The following NLK variants were observed in gnomAD, a reference collection of about 807,000 sequenced individuals.
NLK encodes the protein serine/threonine-protein kinase NLK.
In NLK, 11 loss-of-function variants were observed where a neutral mutation model predicts 59.0. The ratio of observed to expected loss-of-function variants is 0.19; its 90% CI spans 0.12 to 0.31. The LOEUF (loss-of-function observed/expected upper bound fraction) is 0.31. NLK is among the 10% of genes least tolerant of loss of function. The pLI is 1.00. For synonymous variants in NLK, 235 were observed against 235.9 expected (o/e 1.00, Z 0.03); for missense variants, 410 against 661.1 (o/e 0.62, Z 4.16).
chr17:28,095,053 C>T (rs1413139958), intron 1 of NLK, among the ~76,000 whole-genome samples: 4 of 152,020 alleles, frequency 2.6e-5, no homozygotes, highest in African/African-American at 9.7e-5. Flanking sequence ...AATGTAGTCT[C>T]CTTACCAGAA....
At position 28,194,688 on chromosome 17, in the gene NLK, C is replaced by A; in HGVS notation, c.*52C>A. The A allele has an allele frequency of 1.5e-6, 2 of 1,348,966 alleles. No individual in the cohort carries two copies. The highest frequency in any genetic ancestry group is 1.0e-6 in the Non-Finnish European group (1 of 967,252). The allele number at this position is 1,348,966 out of a possible 1,614,324, so 83.6% of individuals were successfully genotyped here. ...ATGTAATGTAGCTTTCCACTGGAGTCTGGGATTTGCAATTCTGGAGGTTAA... is the reference window on the plus strand; with the variant it reads ...ATGTAATGTAGCTTTCCACTGGAGTATGGGATTTGCAATTCTGGAGGTTAA... On this transcript the variant is annotated 3_prime_UTR_variant, in exon 11 of 11. Coordinates refer to ENST00000407008, the MANE Select transcript of NLK (RefSeq NM_016231.5).
chr17:28,157,638 T>G (rs561146038), intron 3 of NLK, among the ~76,000 whole-genome samples: 18 of 152,226 alleles, frequency 1.2e-4, no homozygotes, highest in African/African-American at 4.3e-4. Context: ...ACTTTATTAG[T>G]TTTTAAAAAT....
At chr17:28,193,955 C>G (rs553894874) in intron 10 of NLK, among the ~76,000 whole-genome samples, 1 of 152,322 alleles carries the variant, frequency 6.6e-6, no homozygotes, top group African/African-American at 2.4e-5. Flanking sequence ...AGGGGTTACA[C>G]TTTTCCCTCT....
chr17:28,166,312 C>T (rs1400421645), intron 5 of NLK, among the ~76,000 whole-genome samples: 1 of 151,936 alleles, frequency 6.6e-6, no homozygotes, highest in African/African-American at 2.4e-5. Flanking sequence ...GAAAATTTTC[C>T]TGCTTTCTTA....
intron 1 of NLK, among the ~76,000 whole-genome samples, chr17:28,110,739 T>C (rs533916879): frequency 1.1e-3 from 164 of 152,316 alleles, no homozygotes; most frequent in African/African-American, 3.8e-3. Context: ...TTTTGTTCTA[T>C]TTTTGTAGTT....
At chr17:28,184,159 C>T (rs1464814338) in intron 7 of NLK, among the ~76,000 whole-genome samples, 1 of 152,166 alleles carries the variant, frequency 6.6e-6, no homozygotes, top group Non-Finnish European at 1.5e-5. Flanking sequence ...ATGCTAAAGG[C>T]CATTCAGATT....
chr17:28,151,369 C>G (rs900083111), intron 3 of NLK, among the ~76,000 whole-genome samples: 1 of 152,048 alleles, frequency 6.6e-6, no homozygotes, highest in African/African-American at 2.4e-5. Flanking sequence ...GAATTATTTT[C>G]CAAAGAAAAT....
At chr17:28,184,660 C>T (rs1380289390) in intron 7 of NLK, among the ~76,000 whole-genome samples, 1 of 152,104 alleles carries the variant, frequency 6.6e-6, no homozygotes, top group Admixed American at 6.6e-5. Flanking sequence ...ATGTAAAAAT[C>T]TACGGGGATG....
intron 1 of NLK, among the ~76,000 whole-genome samples, chr17:28,046,874 T>C (rs913871049): frequency 3.3e-5 from 5 of 152,298 alleles, no homozygotes; most frequent in Non-Finnish European, 7.4e-5. Context: ...AGCATTTTGG[T>C]TTGTGACTTG....
rs1906567369 is a variant in NLK, at chr17:28,132,616, T to C, written c.589-4T>C. 1.2e-6 allele frequency: 2 copies of C among 1,605,420 alleles called. No homozygotes were observed. Among genetic ancestry groups the C allele is most frequent in the Non-Finnish European group, 1.7e-6 (2 of 1,175,212 alleles). On this transcript the variant is annotated splice_polypyrimidine_tract_variant and splice_region_variant and intron_variant, in intron 2 of 10. Coordinates refer to ENST00000407008, the MANE Select transcript of NLK (RefSeq NM_016231.5). ...AAATTTGACTTTTTTTTTCCTTTTC[T>C]CAGGTACTCTCTGCCCTTGACATAC... is the stretch of plus-strand genomic sequence containing the variant.
Position 28,042,897 on chromosome 17 carries a change from C to G in NLK, c.24C>G (p.Ala8=), listed in dbSNP as rs904204787. MSLCGAR[A]NAKMMAAYNG... ...GAATGTCTCTTTGTGGCGCAAGAGC[C>G]AACGCAAAAATGATGGCGGCTTACA... Residue 8 remains alanine (A), a synonymous_variant, in exon 1 of 11, where the codon GCC becomes GCG. Coordinates refer to ENST00000407008, the MANE Select transcript of NLK (RefSeq NM_016231.5). 28 of 1,523,276 alleles carry G rather than the reference C, an allele frequency of 1.8e-5. No individual in the cohort carries two copies. The highest frequency in any genetic ancestry group is 2.3e-5 in the Non-Finnish European group (26 of 1,130,062). The allele number at this position is 1,523,276 out of a possible 1,614,324, so 94.4% of individuals were successfully genotyped here.
At chr17:28,184,865 T>A (rs947526105) in intron 7 of NLK, among the ~76,000 whole-genome samples, 1 of 152,152 alleles carries the variant, frequency 6.6e-6, no homozygotes, top group South Asian at 2.1e-4. Context: ...GAAGAATCAC[T>A]TGAACCTGGA....
intron 1 of NLK, among the ~76,000 whole-genome samples, chr17:28,098,909 C>T (rs143566448): frequency 6.6e-6 from 1 of 151,746 alleles, no homozygotes; most frequent in Non-Finnish European, 1.5e-5. Context: ...CTTGAACTCC[C>T]GACCTCAGGT....
At chr17:28,158,977 A>G (rs1289944558) in intron 3 of NLK, among the ~76,000 whole-genome samples, 1 of 152,208 alleles carries the variant, frequency 6.6e-6, no homozygotes, top group Non-Finnish European at 1.5e-5. Context: ...GTCCATCATC[A>G]ACGAAACATC....
chr17:28,174,929 A>G (rs779672871), intron 7 of NLK, among the ~76,000 whole-genome samples: 25 of 150,874 alleles, frequency 1.7e-4, no homozygotes, highest in Non-Finnish European at 3.2e-4. Flanking sequence ...ATAGCTATTT[A>G]CAGCTGAGGT....
At position 28,194,983 on chromosome 17, in the gene NLK, T is replaced by TCACACACACACA. The variant is rs35187605; in HGVS notation, c.*368_*379dup. 4.9e-4 allele frequency: 78 copies of TCACACACACACA among 158,480 alleles called. No homozygotes were observed. The highest frequency in any genetic ancestry group is 3.3e-3 in the East Asian group (20 of 6,032). 9.8% of individuals were successfully genotyped at this position (158,480 alleles called of 1,614,324 possible). On this transcript the variant is annotated 3_prime_UTR_variant, in exon 11 of 11. Coordinates refer to ENST00000407008, the MANE Select transcript of NLK (RefSeq NM_016231.5). The stretch of plus-strand genomic sequence containing the variant: ...CTTTTCTAAAATGAAGTGAGATTGT[T>TCACACACACACA]CACACACACACACACACACACACAC...
downstream of NLK, among the ~76,000 whole-genome samples, chr17:28,201,353 C>T (rs1909623540): frequency 6.7e-6 from 1 of 149,578 alleles, no homozygotes; most frequent in Non-Finnish European, 1.5e-5. Context: ...AGAGTGCTGG[C>T]ATTACAGGCA....
chr17:28,063,790 T>C (rs1202923149), intron 1 of NLK, among the ~76,000 whole-genome samples: 2 of 152,198 alleles, frequency 1.3e-5, no homozygotes, highest in African/African-American at 4.8e-5. Context: ...GGCTTAGAAG[T>C]GCATTTGGAA....
At chr17:28,198,425 G>A (rs963021236), downstream of NLK, among the ~76,000 whole-genome samples, 1 of 152,150 alleles carries the variant, frequency 6.6e-6, no homozygotes, top group African/African-American at 2.4e-5. Context: ...CCAGGCTCAA[G>A]CGATTCTCCT....
Sources: allele counts gnomAD v4.1 joint callset (sites outside exome capture counted in the v4.1 genomes callset), GRCh38; gene constraint gnomAD v4.1.1; transcripts MANE v1.5; gene names NCBI Gene and HGNC (gene_info 2026-07-23, HGNC 2026-07-21).